DPH6: variants seen among roughly 807,000 people sequenced by gnomAD.
The protein encoded by DPH6 is diphthine--ammonia ligase.
Under a neutral mutation model 38.2 loss-of-function variants are expected in DPH6, and 33 were observed. The ratio of observed to expected loss-of-function variants is 0.86; its 90% CI spans 0.65 to 1.15. The LOEUF is 1.15. DPH6 is among the 50% of genes most tolerant of loss of function. The pLI, the probability that DPH6 is intolerant of heterozygous loss-of-function variation, is 0.00. For missense variants in DPH6, 325 were observed against 320.0 expected (o/e 1.02, Z -0.12); for synonymous variants, 108 against 103.0 (o/e 1.05, Z -0.30).
chr15:35,401,870 T>C (rs2053224822), intron 6 of DPH6: 2 of 490,870 alleles, frequency 4.1e-6, no homozygotes, highest in South Asian at 3.4e-5. Context: ...AGCACAGTGG[T>C]GGCAGGGCCT....
At chr15:35,169,637 G>A in the DPH6 span, 1 of 152,234 alleles carries the variant, frequency 6.6e-6, no homozygotes, top group East Asian at 1.9e-4. Flanking sequence ...TACTATCCAT[G>A]AAGGAGGCAG....
At chr15:35,193,046 A>G in the DPH6 span, among the ~76,000 whole-genome samples, 1 of 152,232 alleles carries the variant, frequency 6.6e-6, no homozygotes. Flanking sequence ...TAATAGATCA[A>G]AGAGAATGCC....
At chr15:35,280,038 A>C (rs2051888185) in intron 3 of DPH6, among the ~76,000 whole-genome samples, 1 of 152,152 alleles carries the variant, frequency 6.6e-6, no homozygotes, top group African/African-American at 2.4e-5. Context: ...CAGAAACCAA[A>C]TTGGCTGGCA....
At chr15:35,202,827 T>C in the DPH6 span, among the ~76,000 whole-genome samples, 2 of 151,748 alleles carry the variant, frequency 1.3e-5, no homozygotes, top group Non-Finnish European at 3.0e-5. Context: ...GCAATTATTA[T>C]TATTTTTTAA....
At chr15:35,402,921 A>G (rs1159804920) in intron 6 of DPH6, among the ~76,000 whole-genome samples, 1 of 152,092 alleles carries the variant, frequency 6.6e-6, no homozygotes, top group Non-Finnish European at 1.5e-5. Context: ...TTCATTATGC[A>G]TATATCATAA....
At chr15:35,176,123 A>G in the DPH6 span, among the ~76,000 whole-genome samples, 1 of 152,238 alleles carries the variant, frequency 6.6e-6, no homozygotes, top group Non-Finnish European at 1.5e-5. Context: ...TGTGTGAATC[A>G]CTGTATATAC....
chr15:35,224,561 G>C (rs758055690), intron 3 of DPH6, among the ~76,000 whole-genome samples: 2 of 152,172 alleles, frequency 1.3e-5, no homozygotes, highest in Non-Finnish European at 2.9e-5. Context: ...ATAAATGTAA[G>C]TTTCAACTTA....
chr15:35,418,393 C>G (rs1316440549), intron 5 of DPH6, among the ~76,000 whole-genome samples: 1 of 151,950 alleles, frequency 6.6e-6, no homozygotes, highest in Non-Finnish European at 1.5e-5. Context: ...ATATTTTTGC[C>G]AAAGTGCAGA....
At chr15:35,530,459 T>A (rs2141254878) in intron 3 of DPH6, among the ~76,000 whole-genome samples, 1 of 152,142 alleles carries the variant, frequency 6.6e-6, no homozygotes, top group Middle Eastern at 3.4e-3. Context: ...TAGGAAGAAA[T>A]CCATAGTTTG....
chr15:35,350,158 T>C (rs1456290704), intron 3 of DPH6, among the ~76,000 whole-genome samples: 1 of 152,142 alleles, frequency 6.6e-6, no homozygotes, highest in Non-Finnish European at 1.5e-5. Context: ...TTTTATTTCT[T>C]CATGAGTCAG....
intron 3 of DPH6, among the ~76,000 whole-genome samples, chr15:35,280,168 C>T (rs925105081): frequency 6.6e-6 from 1 of 152,214 alleles, no homozygotes; most frequent in Non-Finnish European, 1.5e-5. Flanking sequence ...TAACATAAAT[C>T]TTTCCTATCA....
At chr15:35,388,951 T>A (rs1483200903) in intron 6 of DPH6, among the ~76,000 whole-genome samples, 1 of 152,198 alleles carries the variant, frequency 6.6e-6, no homozygotes, top group African/African-American at 2.4e-5. Context: ...CAAGTTTAGA[T>A]CTTTCCTGCT....
chr15:35,364,900 A>G (rs767598345), intron 3 of DPH6, among the ~76,000 whole-genome samples: 4 of 151,982 alleles, frequency 2.6e-5, no homozygotes, highest in Non-Finnish European at 5.9e-5. Context: ...CTCTAATTAC[A>G]TGTATTTTTG....
chr15:35,401,374 A>C, intron 6 of DPH6: 11 of 747,712 alleles, frequency 1.5e-5, no homozygotes, highest in South Asian at 1.4e-4. Context: ...CGGCAGTGGG[A>C]ATGGCTATAA....
At position 35,396,274 on chromosome 15, in the gene DPH6, C is replaced by T. The variant is rs569823884; in HGVS notation, c.568-14358G>A. The T allele has an allele frequency of 3.3e-5, 5 of 152,324 alleles. No homozygotes were observed. In the South Asian group the frequency reaches 1.0e-3, roughly 32 times the overall value. The allele number at this position is 152,324 out of a possible 1,614,324, so 9.4% of individuals were successfully genotyped here. A position where few individuals can be genotyped will look rare whatever the true frequency, so the allele number is the denominator to read the frequency against. On this transcript the variant is annotated intron_variant, in intron 6 of 8. Coordinates refer to ENST00000256538, the MANE Select transcript of DPH6 (RefSeq NM_080650.4). ...CAATGCAAGAATTCCTCTGGCCGCT[C>T]CTACCATCATGACCTCTGGCCATAA... is the stretch of plus-strand genomic sequence containing the variant.
the DPH6 span, among the ~76,000 whole-genome samples, chr15:35,151,061 G>A: frequency 2.6e-5 from 4 of 152,082 alleles, no homozygotes; most frequent in Non-Finnish European, 5.9e-5. Context: ...AACATCTAAA[G>A]GTAATGAGAC....
At chr15:35,387,645 T>C (rs2052986751) in intron 6 of DPH6, among the ~76,000 whole-genome samples, 1 of 152,142 alleles carries the variant, frequency 6.6e-6, no homozygotes, top group African/African-American at 2.4e-5. Context: ...TCTCTGTTTG[T>C]CTGTTATTGG....
the DPH6 span, among the ~76,000 whole-genome samples, chr15:35,203,011 T>TA: frequency 4.0e-5 from 6 of 151,844 alleles, no homozygotes; most frequent in Non-Finnish European, 4.4e-5. Context: ...AAAAGAAGTC[T>TA]AAAAAAATCT....
At chr15:35,533,214 G>A (rs1205203678) in intron 3 of DPH6, among the ~76,000 whole-genome samples, 2 of 151,874 alleles carry the variant, frequency 1.3e-5, no homozygotes, top group Non-Finnish European at 2.9e-5. Context: ...CCTTCTACCA[G>A]CAACAGCCTG....
Sources: allele counts gnomAD v4.1 joint callset (sites outside exome capture counted in the v4.1 genomes callset), GRCh38; gene constraint gnomAD v4.1.1; transcripts MANE v1.5; gene names NCBI Gene and HGNC (gene_info 2026-07-23, HGNC 2026-07-21).